CYLC1: variants seen among roughly 807,000 people sequenced by gnomAD.
CYLC1 encodes cylicin-1.
CYLC1 carries 2 observed loss-of-function variants against 31.6 expected under a neutral mutation model. The observed-to-expected ratio is 0.06, with a 90% CI of 0.03 to 0.20. CYLC1 has a LOEUF of 0.20. CYLC1 is among the 10% of genes least tolerant of loss of function. The probability of loss-of-function intolerance (pLI) is 1.00; values close to 1 mark genes in which losing one functional copy is unlikely to be tolerated. For missense variants in CYLC1, 595 were observed against 424.1 expected, an observed-to-expected ratio of 1.40 and a Z score of -3.54; for synonymous variants, 185 against 153.0, an observed-to-expected ratio of 1.21 and a Z score of -1.54.
At chrX:83,869,338 G>C (rs2031632921) in intron 1 of CYLC1, among the ~76,000 whole-genome samples, 1 of 110,370 alleles carries the variant, frequency 9.1e-6, no homozygotes, top group Non-Finnish European at 1.9e-5. Context: ...GTACCCATTA[G>C]TTATTTTTTA....
intron 4 of CYLC1, among the ~76,000 whole-genome samples, chrX:83,879,475 C>T (rs377673542): frequency 8.9e-6 from 1 of 111,941 alleles, no homozygotes; most frequent in East Asian, 2.8e-4. Flanking sequence ...CCATATAAGT[C>T]GTTAGACATA....
rs1276426193 is a variant in CYLC1 at position 83,866,339 on chromosome X, G to A, written c.18-3526G>A. 2.7e-5 allele frequency among the ~76,000 whole-genome samples: 3 copies of A among 111,552 alleles called. No homozygotes were observed. The Admixed American group carries it at 2.9e-4, about 11-fold the overall frequency. ...TAAACTCTGTTAGATATCAATGTCT[G>A]TGAATCATCTACTGCGGCTTGAGAT... is the stretch of plus-strand genomic sequence containing the variant. On this transcript the variant is annotated intron_variant, in intron 1 of 4. Coordinates refer to ENST00000329312, the MANE Select transcript of CYLC1 (RefSeq NM_021118.3).
chrX:83,868,297 T>A (rs750218702), intron 1 of CYLC1, among the ~76,000 whole-genome samples: 5 of 111,382 alleles, frequency 4.5e-5, no homozygotes. Flanking sequence ...AGAATCTTTG[T>A]CATGATGTTC....
At chrX:83,883,946 A>T (rs2031948428) in intron 4 of CYLC1, among the ~76,000 whole-genome samples, 1 of 111,795 alleles carries the variant, frequency 8.9e-6, no homozygotes, top group Admixed American at 9.6e-5. Flanking sequence ...GTTATATAAG[A>T]TAAGCAAGAT....
intron 1 of CYLC1, 28 bp downstream of exon 1, chrX:83,861,227 G>C (rs751048731): frequency 5.4e-6 from 6 of 1,108,981 alleles, no homozygotes; most frequent in Non-Finnish European, 7.4e-6. Context: ...TATTTTTTTA[G>C]TATTTTAAAT....
intron 3 of CYLC1, among the ~76,000 whole-genome samples, 152 bp from the exon 4 acceptor site, chrX:83,872,718 TACACACACACACACAC>T (rs61531587): frequency 2.2e-5 from 2 of 92,038 alleles, no homozygotes; most frequent in African/African-American, 8.2e-5. Flanking sequence ...GTCTCTCTCT[TACACACACACACACAC>T]ACACACACAC....
intron 4 of CYLC1, among the ~76,000 whole-genome samples, chrX:83,877,171 A>T (rs1210205093): frequency 9.0e-6 from 1 of 111,114 alleles, no homozygotes; most frequent in African/African-American, 3.3e-5. Context: ...TTCTCACCCT[A>T]CACAGGTAAT....
At chrX:83,880,993 C>T (rs183893993) in intron 4 of CYLC1, among the ~76,000 whole-genome samples, 89 of 111,719 alleles carry the variant, frequency 8.0e-4, no homozygotes, top group Middle Eastern at 4.6e-3. Flanking sequence ...ATGCTCAATA[C>T]TGGGCAATTG....
At chrX:83,886,389 G>C (rs1312420656) in intron 4 of CYLC1, among the ~76,000 whole-genome samples, 163 bp from the exon 5 acceptor site, 2 of 111,429 alleles carry the variant, frequency 1.8e-5, no homozygotes, top group East Asian at 2.8e-4. Context: ...GTGGAGACCA[G>C]GGATCTGCGT....
At chrX:83,871,381 C>A in intron 2 of CYLC1, 71 bp from the exon 3 acceptor site, 2 of 743,699 alleles carry the variant, frequency 2.7e-6, no homozygotes, top group Non-Finnish European at 4.0e-6. Context: ...ATGTTTCTTA[C>A]TCAAGAATAA....
chrX:83,877,631 T>C (rs774175071), intron 4 of CYLC1, among the ~76,000 whole-genome samples: 2 of 107,473 alleles, frequency 1.9e-5, no homozygotes, highest in African/African-American at 3.4e-5. Flanking sequence ...TTTGCATGTC[T>C]ATTCCTTTTC....
chrX:83,876,456 A>G (rs2031760562), intron 4 of CYLC1, among the ~76,000 whole-genome samples: 1 of 111,564 alleles, frequency 9.0e-6, no homozygotes, highest in Admixed American at 9.6e-5. Context: ...TAAGAAAAAA[A>G]TTGAATACAA....
chrX:83,871,769 T>G (rs1450554972), intron 3 of CYLC1, among the ~76,000 whole-genome samples, 199 bp downstream of exon 3: 3 of 110,674 alleles, frequency 2.7e-5, no homozygotes, highest in African/African-American at 9.8e-5. Context: ...ATCAAAGACA[T>G]TATCTAAGCA....
intron 4 of CYLC1, 52 bp downstream of exon 4, chrX:83,874,683 A>C (rs1273032750): frequency 9.3e-7 from 1 of 1,079,744 alleles, no homozygotes; most frequent in Non-Finnish European, 1.2e-6. Context: ...AAAATGAAAG[A>C]CTTTTTAAAG....
chrX:83,863,057 G>A (rs1361638192), intron 1 of CYLC1, among the ~76,000 whole-genome samples: 3 of 111,122 alleles, frequency 2.7e-5, no homozygotes, highest in African/African-American at 9.8e-5. Context: ...CTGACTCCTA[G>A]TACTCTACTT....
At chrX:83,861,292 T>C (rs964170194) in intron 1 of CYLC1, 93 bp downstream of exon 1, 5 of 610,684 alleles carry the variant, frequency 8.2e-6, no homozygotes, top group Non-Finnish European at 1.2e-5. Context: ...AAAGAATGTT[T>C]CTTTCATAGT....
At chrX:83,882,159 G>A (rs775429566) in intron 4 of CYLC1, among the ~76,000 whole-genome samples, 32 of 110,599 alleles carry the variant, frequency 2.9e-4, no homozygotes, top group African/African-American at 9.8e-4. Context: ...TTCCTCTGCT[G>A]GTTATTTCCA....
chrX:83,861,214 T>C lies in CYLC1; in HGVS notation c.17+15T>C, dbSNP rs1467515554. 1 of 1,162,831 alleles carries C rather than the reference T, an allele frequency of 8.6e-7. No homozygotes were observed. Among genetic ancestry groups the C allele is most frequent in the Admixed American group, 2.2e-5 (1 of 44,844 alleles). ...CTTCCAAGGTTGTAAGTCCTCTTTT[T>C]AATATTTTTTTAGTATTTTAAATAG... On this transcript the variant is annotated intron_variant, in intron 1 of 4. Transcript: ENST00000329312.
chrX:83,866,953 A>G (rs1030286204), intron 1 of CYLC1, among the ~76,000 whole-genome samples: 1 of 111,572 alleles, frequency 9.0e-6, no homozygotes, highest in Non-Finnish European at 1.9e-5. Context: ...AAGAAACTGC[A>G]TTATACATTC....
Sources: allele counts gnomAD v4.1 joint callset (sites outside exome capture counted in the v4.1 genomes callset), GRCh38; gene constraint gnomAD v4.1.1; transcripts MANE v1.5; gene names NCBI Gene and HGNC (gene_info 2026-07-23, HGNC 2026-07-21).